Variants in ALK observed in about 807,000 individuals in gnomAD.
The protein encoded by ALK is ALK tyrosine kinase receptor.
In ALK, 74 loss-of-function variants were observed where a neutral mutation model predicts 163.1. That is an observed-to-expected ratio of 0.45 (90% CI 0.38 to 0.55). The LOEUF (loss-of-function observed/expected upper bound fraction) is 0.55. Among genes scored for constraint, ALK ranks in the 20% least tolerant of loss-of-function variants. The pLI is 0.00. For synonymous variants in ALK, 960 were observed against 843.2 expected (o/e 1.14, Z -2.40); for missense variants, 2,063 against 2,105.3 (o/e 0.98, Z 0.39).
At position 29,318,414 on chromosome 2, in the gene ALK, A is replaced by G. The variant is rs749882593; in HGVS notation, c.1547-10T>C. On this transcript the variant is annotated splice_polypyrimidine_tract_variant and intron_variant, in intron 7 of 28. Coordinates refer to ENST00000389048, the MANE Select transcript of ALK (RefSeq NM_004304.5). Reference sequence around the variant, plus strand: ...AGCAATAGAGCATGGTCTAGGAGAGAGGAAAAGAATCACAAGCACGCCATT... The same window carrying G: ...AGCAATAGAGCATGGTCTAGGAGAGGGGAAAAGAATCACAAGCACGCCATT... The G allele has an allele frequency of 3.8e-6, 6 of 1,597,296 alleles. No individual in the cohort carries two copies. The highest frequency in any genetic ancestry group is 3.4e-6 in the Non-Finnish European group (4 of 1,164,726).
chr2:29,897,836 C>T (rs1329752406), intron 1 of ALK, among the ~76,000 whole-genome samples: 2 of 152,148 alleles, frequency 1.3e-5, no homozygotes, highest in Non-Finnish European at 2.9e-5. Context: ...GGTGAGAGTC[C>T]TTCTTGTGGC....
intron 22 of ALK, chr2:29,221,073 C>T (rs1573121009): frequency 1.6e-6 from 1 of 641,616 alleles, no homozygotes; most frequent in Non-Finnish European, 3.0e-6. Context: ...GTGGCTGGAG[C>T]TGTGAGGATG....
At chr2:29,198,861 GTATC>G (rs536192922) in intron 26 of ALK, among the ~76,000 whole-genome samples, 17 of 151,848 alleles carry the variant, frequency 1.1e-4, no homozygotes, top group African/African-American at 3.1e-4. Context: ...GGACAAATTG[GTATC>G]TATCAATCAA....
intron 3 of ALK, among the ~76,000 whole-genome samples, chr2:29,616,102 C>A (rs1245491006): frequency 6.6e-6 from 1 of 152,210 alleles, no homozygotes; most frequent in Non-Finnish European, 1.5e-5. Flanking sequence ...GCGGACCTCA[C>A]GGAGTCACAG....
chr2:29,758,258 C>A (rs1473623647), intron 1 of ALK, among the ~76,000 whole-genome samples: 1 of 152,136 alleles, frequency 6.6e-6, no homozygotes, highest in East Asian at 1.9e-4. Flanking sequence ...GATCTGCCTG[C>A]CTCAGCCTCT....
At chr2:29,863,881 C>A (rs2148408206) in intron 1 of ALK, among the ~76,000 whole-genome samples, 1 of 152,278 alleles carries the variant, frequency 6.6e-6, no homozygotes, top group East Asian at 1.9e-4. Context: ...GTCAGACCTG[C>A]ATTGAGGTCT....
intron 1 of ALK, among the ~76,000 whole-genome samples, chr2:29,720,573 A>G (rs1212970394): frequency 6.6e-6 from 1 of 152,212 alleles, no homozygotes; most frequent in South Asian, 2.1e-4. Context: ...GTCAAGGATC[A>G]AGGAAAGCAA....
At chr2:29,780,709 G>T (rs972495447) in intron 1 of ALK, among the ~76,000 whole-genome samples, 4 of 152,188 alleles carry the variant, frequency 2.6e-5, no homozygotes, top group African/African-American at 9.7e-5. Context: ...GCGTTTCGGG[G>T]TAACAGATGC....
chr2:29,855,682 C>G (rs761504910), intron 1 of ALK, among the ~76,000 whole-genome samples: 1 of 152,128 alleles, frequency 6.6e-6, no homozygotes, highest in African/African-American at 2.4e-5. Context: ...TTCTATGTCC[C>G]GGTTCTTGTG....
At chr2:29,524,674 A>T (rs1672906263) in intron 4 of ALK, among the ~76,000 whole-genome samples, 1 of 152,244 alleles carries the variant, frequency 6.6e-6, no homozygotes, top group Non-Finnish European at 1.5e-5. Context: ...GAGAACAAAA[A>T]GGAGGGCTGT....
intron 3 of ALK, among the ~76,000 whole-genome samples, chr2:29,658,509 A>G (rs1310615674): frequency 6.6e-6 from 1 of 152,210 alleles, no homozygotes; most frequent in Non-Finnish European, 1.5e-5. Flanking sequence ...CTTGCCAAAT[A>G]CCACCAAACA....
intron 1 of ALK, among the ~76,000 whole-genome samples, chr2:29,841,460 A>T (rs1665696397): frequency 6.6e-6 from 1 of 152,212 alleles, no homozygotes; most frequent in African/African-American, 2.4e-5. Context: ...TTGCACCTTT[A>T]TCATATGAAT....
At chr2:29,581,624 C>T (rs1005227490) in intron 3 of ALK, among the ~76,000 whole-genome samples, 2 of 152,140 alleles carry the variant, frequency 1.3e-5, no homozygotes, top group African/African-American at 4.8e-5. Context: ...GCCTTGAGGC[C>T]TGTATTGCCC....
At chr2:29,690,648 G>T (rs1279421054) in intron 3 of ALK, among the ~76,000 whole-genome samples, 1 of 152,084 alleles carries the variant, frequency 6.6e-6, no homozygotes, top group African/African-American at 2.4e-5. Context: ...ATAATATTAT[G>T]TTCCATCAAA....
intron 1 of ALK, among the ~76,000 whole-genome samples, chr2:29,916,815 AGCTGTGGGCAACAT>A (rs1467410176): frequency 6.6e-6 from 1 of 152,136 alleles, no homozygotes. Flanking sequence ...TACAAACTGG[AGCTGTGGGCAACAT>A]GCCAGCCTTG....
chr2:29,408,086 TC>T lies in ALK; in HGVS notation c.1155-24228del, dbSNP rs200670052. Among the ~76,000 whole-genome samples the T allele has an allele frequency of 2.4e-3, 352 of 147,576 alleles. 12 individuals are homozygous for T. Among genetic ancestry groups the T allele is most frequent in the African/African-American group, 6.5e-3 (259 of 39,810 alleles). On this transcript the variant is annotated intron_variant, in intron 4 of 28. Coordinates refer to ENST00000389048, the MANE Select transcript of ALK (RefSeq NM_004304.5). ...AAAGGTACTCAGGGAAAGTTCTTTT[TC>T]TTTTTTTTTTTTTGAGATGGAGTCT...
chr2:29,800,228 T>G (rs996789212), intron 1 of ALK, among the ~76,000 whole-genome samples: 1 of 152,140 alleles, frequency 6.6e-6, no homozygotes. Context: ...GGCTGAGAGA[T>G]AGCAGGATTA....
chr2:29,594,224 C>T (rs112714938), intron 3 of ALK, among the ~76,000 whole-genome samples: 1,952 of 152,186 alleles, frequency 0.013, 20 homozygotes, highest in South Asian at 0.045. Context: ...CACTTTCCAA[C>T]TATTTACTAG....
intron 11 of ALK, among the ~76,000 whole-genome samples, chr2:29,274,179 T>C (rs1378459638): frequency 1.3e-5 from 2 of 152,208 alleles, no homozygotes; most frequent in Non-Finnish European, 2.9e-5. Context: ...GCCATGCTAA[T>C]GTCTAGTTCA....
Sources: gnomAD v4.1 joint callset for allele counts (sites outside exome capture counted in the v4.1 genomes callset) on GRCh38, gnomAD v4.1.1 for gene constraint, MANE v1.5 for transcripts, NCBI Gene and HGNC (gene_info 2026-07-23, HGNC 2026-07-21) for gene names.